The following RNASEH2B variants were observed in gnomAD, a reference collection of about 807,000 sequenced individuals.
RNASEH2B encodes the protein Aicardi-Goutieres syndrome 2 protein.
A neutral mutation model predicts 45.0 loss-of-function variants in RNASEH2B; 36 were observed. The observed-to-expected ratio is 0.80, with a 90% CI of 0.61 to 1.06. RNASEH2B has a LOEUF of 1.06. RNASEH2B is among the 50% of genes least tolerant of loss of function. The pLI, the probability that RNASEH2B is intolerant of heterozygous loss-of-function variation, is 0.00. For missense variants in RNASEH2B, 361 were observed against 360.3 expected (o/e 1.00, Z -0.02); for synonymous variants, 119 against 125.7 (o/e 0.95, Z 0.35).
intron 9 of RNASEH2B, 22 bp from the exon 10 acceptor site, chr13:50,953,883 C>T (rs1418997783): frequency 6.6e-7 from 1 of 1,516,124 alleles, no homozygotes; most frequent in East Asian, 2.3e-5. Context: ...TTTGACACCA[C>T]TTCACTGCTC....
intron 2 of RNASEH2B, chr13:50,928,214 A>C (rs982178152): frequency 6.6e-6 from 1 of 152,224 alleles, no homozygotes; most frequent in African/African-American, 2.4e-5. Flanking sequence ...TAGACACCTG[A>C]TACTTGCCAT....
chr13:50,955,644 ATT>A (rs1293469437), intron 10 of RNASEH2B: 2 of 152,170 alleles, frequency 1.3e-5, no homozygotes, highest in African/African-American at 4.8e-5. Flanking sequence ...GAGACAGGTG[ATT>A]TTTTTGTTTT....
At chr13:50,951,986 AT>A (rs1951982077) in intron 9 of RNASEH2B, 1 of 152,134 alleles carries the variant, frequency 6.6e-6, no homozygotes, top group African/African-American at 2.4e-5. Context: ...AACACTTTTT[AT>A]TTGAATTATC....
intron 5 of RNASEH2B, chr13:50,943,089 T>A (rs1347363198): frequency 3.4e-5 from 15 of 446,786 alleles, no homozygotes; most frequent in Admixed American, 4.1e-5. Flanking sequence ...TTTGTATAAT[T>A]TGAAGGTTTT....
chr13:50,937,164 G>A (rs1298464947), intron 5 of RNASEH2B: 5 of 151,994 alleles, frequency 3.3e-5, no homozygotes, highest in Admixed American at 6.5e-5. Flanking sequence ...TGCAGCCTGT[G>A]AATCTCAAAA....
chr13:50,945,536 A>C lies in RNASEH2B; in HGVS notation c.616+4A>C, dbSNP rs1400161623. 6.3e-7 allele frequency: 1 copy of C among 1,597,240 alleles called. No individual in the cohort carries two copies. The highest frequency in any genetic ancestry group is 8.6e-7 in the Non-Finnish European group (1 of 1,164,802). On this transcript the variant is annotated splice_donor_region_variant and intron_variant, in intron 7 of 10. Transcript: ENST00000336617. ...CAAGCTTCCACTGACAAGGAAGGTA[A>C]GTAAAGCATTTTATCAGAAAAGATT... is the stretch of plus-strand genomic sequence containing the variant.
intron 1 of RNASEH2B, among the ~76,000 whole-genome samples, chr13:50,913,488 GAA>G (rs1189042697): frequency 3.0e-5 from 4 of 134,944 alleles, no homozygotes; most frequent in African/African-American, 8.3e-5. Context: ...ATTGTGTATT[GAA>G]AAAAAAAAAA....
intron 9 of RNASEH2B, among the ~76,000 whole-genome samples, chr13:50,967,501 A>G (rs1393585834): frequency 2.0e-5 from 3 of 152,164 alleles, no homozygotes; most frequent in Admixed American, 1.3e-4. Context: ...CACAAAGGGT[A>G]TTATTTCTCT....
At chr13:50,962,230 G>A (rs1198888543) in intron 9 of RNASEH2B, among the ~76,000 whole-genome samples, 1 of 152,092 alleles carries the variant, frequency 6.6e-6, no homozygotes, top group East Asian at 1.9e-4. Context: ...AAATGAGTTG[G>A]GAAGTATTCT....
At chr13:50,957,314 G>C (rs565306690), downstream of RNASEH2B, among the ~76,000 whole-genome samples, 2 of 152,144 alleles carry the variant, frequency 1.3e-5, no homozygotes, top group South Asian at 4.1e-4. Flanking sequence ...TGTACCCAAT[G>C]TTTAGCTCTT....
chr13:50,959,467 T>C (rs1271853047), downstream of RNASEH2B: 1 of 152,170 alleles, frequency 6.6e-6, no homozygotes, highest in Non-Finnish European at 1.5e-5. Context: ...TTTTGTTTTT[T>C]TTTTAGATGG....
intron 9 of RNASEH2B, among the ~76,000 whole-genome samples, chr13:50,964,990 C>G (rs187491845): frequency 1.3e-5 from 2 of 152,314 alleles, no homozygotes. Flanking sequence ...TCCTGCCTTA[C>G]TCCCTGCATA....
At chr13:50,930,830 T>G in intron 4 of RNASEH2B, 71 bp downstream of exon 4, 1 of 1,102,516 alleles carries the variant, frequency 9.1e-7, no homozygotes, top group Non-Finnish European at 1.4e-6. Flanking sequence ...CTCCTCTCTC[T>G]CCTTTTAATG....
intron 1 of RNASEH2B, chr13:50,915,332 C>G: frequency 2.5e-6 from 1 of 398,056 alleles, no homozygotes; most frequent in Non-Finnish European, 4.4e-6. Flanking sequence ...TCAGCTTCTC[C>G]GTCTTGACTT....
At chr13:50,948,263 C>A in intron 8 of RNASEH2B, 195 bp downstream of exon 8, 1 of 802,868 alleles carries the variant, frequency 1.2e-6, no homozygotes, top group Non-Finnish European at 1.8e-6. Flanking sequence ...ATACGGATTG[C>A]AGGAACTAGT....
Position 50,956,450 on chromosome 13 carries a change from TA to T in RNASEH2B, c.925del (p.Ile309LeufsTer26), listed in dbSNP as rs75254367. On this transcript the variant is annotated frameshift_variant, in exon 11 of 11. Transcript: ENST00000336617. LOFTEE classifies it high-confidence loss of function. ...SIDTFFGVKN[K>X]KKIGKV ...TTGATACCTTTTTTGGGGTAAAAAA[TA>T]AAAAAAAAATTGGAAAGGTTTGAAA... is the stretch of plus-strand genomic sequence containing the variant. The T allele has an allele frequency of 6.2e-4, 898 of 1,449,858 alleles. No homozygotes were observed. Among genetic ancestry groups the T allele is most frequent in the Admixed American group, 1.2e-3 (63 of 53,788 alleles). The allele number at this position is 1,449,858 out of a possible 1,614,324, so 89.8% of individuals were successfully genotyped here. A position where few individuals can be genotyped will look rare whatever the true frequency, so the allele number is the denominator to read the frequency against.
intron 1 of RNASEH2B, among the ~76,000 whole-genome samples, chr13:50,919,533 A>C (rs1951489840): frequency 1.3e-5 from 2 of 152,036 alleles, no homozygotes; most frequent in African/African-American, 4.8e-5. Flanking sequence ...TGGTTAGATG[A>C]CTCTGCTGGT....
At chr13:50,949,429 C>T (rs777780324) in intron 8 of RNASEH2B, 34 bp from the exon 9 acceptor site, 25 of 1,606,060 alleles carry the variant, frequency 1.6e-5, no homozygotes, top group East Asian at 1.1e-4. Flanking sequence ...CTATGAAAAA[C>T]GATGACTTTG....
At position 50,910,123 on chromosome 13, in the gene RNASEH2B, A is replaced by G; in HGVS notation, c.47A>G (p.His16Arg). The G allele has an allele frequency of 1.4e-6, 2 of 1,457,522 alleles. No homozygotes were observed. The highest frequency in any genetic ancestry group is 1.8e-6 in the Non-Finnish European group (2 of 1,106,170). The allele number at this position is 1,457,522 out of a possible 1,614,324, so 90.3% of individuals were successfully genotyped here. The change falls in exon 1 of 11, where the codon CAC becomes CGC. Residue 16 changes from histidine to arginine, a missense_variant. Coordinates refer to ENST00000336617, the MANE Select transcript of RNASEH2B (RefSeq NM_024570.4). ...GGGGACGGGGTTGGCGCCCGGCAGC[A>G]CGTGTTCCTGGTTTCAGGTAAACAC... ...DCGDGVGARQ[H>R]VFLVSEYLKD...
Sources: gnomAD v4.1 joint callset for allele counts (sites outside exome capture counted in the v4.1 genomes callset) on GRCh38, gnomAD v4.1.1 for gene constraint, MANE v1.5 for transcripts, NCBI Gene and HGNC (gene_info 2026-07-23, HGNC 2026-07-21) for gene names.